The following DIAPH2 variants were observed in gnomAD, a reference collection of about 807,000 sequenced individuals.
DIAPH2 encodes the protein diaphanous related formin 2.
DIAPH2 carries 35 observed loss-of-function variants against 92.7 expected under a neutral mutation model. The observed-to-expected ratio is 0.38, with a 90% CI of 0.29 to 0.50. DIAPH2 has a LOEUF of 0.50. DIAPH2 is among the 20% of genes least tolerant of loss of function. DIAPH2 has a pLI of 0.94. For missense variants in DIAPH2, 701 were observed against 819.5 expected, an observed-to-expected ratio of 0.86 and a Z score of 1.77; for synonymous variants, 301 against 280.4, an observed-to-expected ratio of 1.07 and a Z score of -0.73.
At chrX:96,802,608 G>A (rs1030699557) in intron 4 of DIAPH2, among the ~76,000 whole-genome samples, 3 of 111,409 alleles carry the variant, frequency 2.7e-5, no homozygotes, top group Non-Finnish European at 5.7e-5. Context: ...TCATGATAGG[G>A]TATATATATA....
intron 24 of DIAPH2, among the ~76,000 whole-genome samples, chrX:97,369,631 C>T (rs1239862131): frequency 9.1e-6 from 1 of 110,182 alleles, no homozygotes; most frequent in Non-Finnish European, 1.9e-5. Context: ...CCTGAGTTTT[C>T]AGACAACATC....
chrX:97,318,347 C>T (rs979878155), intron 23 of DIAPH2, among the ~76,000 whole-genome samples: 6 of 109,410 alleles, frequency 5.5e-5, no homozygotes, highest in Admixed American at 9.9e-5. Context: ...CTATCTTGGC[C>T]AGGCTGGTCT....
chrX:96,782,787 C>T (rs1013800168), intron 4 of DIAPH2, among the ~76,000 whole-genome samples: 3 of 110,682 alleles, frequency 2.7e-5, no homozygotes, highest in Non-Finnish European at 1.9e-5. Context: ...CAGAACGTGC[C>T]GGCTACTTTT....
At chrX:96,837,470 A>G (rs1454395809) in intron 4 of DIAPH2, among the ~76,000 whole-genome samples, 3 of 84,812 alleles carry the variant, frequency 3.5e-5, no homozygotes, top group Non-Finnish European at 4.5e-5. Flanking sequence ...TGTGTGTAGT[A>G]CTAGTAGTAG....
chrX:96,997,468 C>A (rs1309974100), intron 17 of DIAPH2, among the ~76,000 whole-genome samples: 1 of 111,180 alleles, frequency 9.0e-6, no homozygotes, highest in Non-Finnish European at 1.9e-5. Flanking sequence ...GACCTTTTAA[C>A]TTAGGTTTTT....
At chrX:97,200,792 G>A (rs1056488061) in intron 22 of DIAPH2, among the ~76,000 whole-genome samples, 18 of 111,727 alleles carry the variant, frequency 1.6e-4, no homozygotes, top group African/African-American at 5.5e-4. Flanking sequence ...TGATAAGGGG[G>A]ATTCTTCCAG....
chrX:97,407,789 A>G (rs1009321030), intron 25 of DIAPH2, among the ~76,000 whole-genome samples: 5 of 112,274 alleles, frequency 4.5e-5, no homozygotes, highest in Non-Finnish European at 9.4e-5. Flanking sequence ...AGATGGCAAC[A>G]TAGTAACTTC....
chrX:96,906,595 G>T (rs2147775575), intron 5 of DIAPH2, among the ~76,000 whole-genome samples: 1 of 111,682 alleles, frequency 9.0e-6, no homozygotes, highest in South Asian at 3.8e-4. Flanking sequence ...AACAAGCTTA[G>T]AAAATTTACG....
chrX:96,780,363 A>G (rs939691996), intron 4 of DIAPH2, among the ~76,000 whole-genome samples: 6 of 112,557 alleles, frequency 5.3e-5, no homozygotes, highest in South Asian at 3.7e-4. Flanking sequence ...GTCCATTTCA[A>G]TATGTAAATT....
intron 1 of DIAPH2, among the ~76,000 whole-genome samples, chrX:96,702,680 A>G (rs371163884): frequency 8.9e-6 from 1 of 112,206 alleles, no homozygotes; most frequent in East Asian, 2.8e-4. Flanking sequence ...CTGCTATAGC[A>G]AATTCCCATA....
intron 5 of DIAPH2, among the ~76,000 whole-genome samples, chrX:96,888,053 T>C (rs2065276211): frequency 9.2e-6 from 1 of 108,738 alleles, no homozygotes; most frequent in Admixed American, 9.9e-5. Flanking sequence ...CAGACCTCTC[T>C]GTTTCTCTCT....
chrX:97,320,140 G>C (rs1464267689), intron 23 of DIAPH2, among the ~76,000 whole-genome samples: 1 of 106,199 alleles, frequency 9.4e-6, no homozygotes, highest in Non-Finnish European at 1.9e-5. Context: ...AATAAAAATT[G>C]ATAATATTAA....
rs1364628269 is a variant in DIAPH2, at chrX:96,962,368, C to CAT, written c.1936-2715_1936-2714dup. 1.9e-3 allele frequency among the ~76,000 whole-genome samples: 93 copies of CAT among 48,001 alleles called. 2 individuals are homozygous for CAT. Among genetic ancestry groups the CAT allele is most frequent in the Non-Finnish European group, 3.4e-3 (90 of 26,812 alleles). 41.7% of individuals were successfully genotyped at this position (48,001 alleles called of 115,157 possible). A position where few individuals can be genotyped will look rare whatever the true frequency, so the allele number is the denominator to read the frequency against. Reference sequence around the variant, plus strand: ...ATATATATACACATATATATATACACATATATATATACACATATATATACA... The same window carrying CAT: ...ATATATATACACATATATATATACACATATATATATATACACATATATATACA... On this transcript the variant is annotated intron_variant, in intron 16 of 26. Transcript: ENST00000324765.
In DIAPH2 at chrX:96,785,669, G is replaced by A. The variant is rs1372560030; in HGVS notation, c.447+27411G>A. Among the ~76,000 whole-genome samples the A allele has an allele frequency of 7.4e-5, 8 of 107,765 alleles. No homozygotes were observed. In the Admixed American group the frequency reaches 8.0e-4, roughly 11 times the overall value. 93.6% of individuals were successfully genotyped at this position (107,765 alleles called of 115,157 possible). ...TTTTTGTATTTTTAGTAGAGATGGGGTTTCATCATGTTGCCCAGGCTGGTC... is the reference window on the plus strand; with the variant it reads ...TTTTTGTATTTTTAGTAGAGATGGGATTTCATCATGTTGCCCAGGCTGGTC... On this transcript the variant is annotated intron_variant, in intron 4 of 26. Transcript: ENST00000324765.
chrX:97,573,553 G>C (rs1467669364), intron 26 of DIAPH2, among the ~76,000 whole-genome samples: 1 of 110,696 alleles, frequency 9.0e-6, no homozygotes, highest in Non-Finnish European at 1.9e-5. Context: ...GGGGGAGTTT[G>C]GTTAATCTAT....
chrX:96,746,600 C>T (rs2064151891), intron 3 of DIAPH2, among the ~76,000 whole-genome samples: 1 of 110,134 alleles, frequency 9.1e-6, no homozygotes, highest in Non-Finnish European at 1.9e-5. Context: ...GTCCATTAGG[C>T]TGTAGTGCAG....
intron 24 of DIAPH2, among the ~76,000 whole-genome samples, chrX:97,358,720 C>T (rs2069292939): frequency 9.1e-6 from 1 of 110,243 alleles, no homozygotes; most frequent in Non-Finnish European, 1.9e-5. Flanking sequence ...ACCAATCATG[C>T]ATGTAAATTG....
chrX:96,903,650 G>A (rs766266573), intron 5 of DIAPH2, among the ~76,000 whole-genome samples: 2 of 111,716 alleles, frequency 1.8e-5, no homozygotes, highest in Middle Eastern at 4.7e-3. Context: ...CTTATTGACC[G>A]TAGATTGAAG....
intron 26 of DIAPH2, among the ~76,000 whole-genome samples, chrX:97,509,431 G>A (rs1291899178): frequency 2.5e-5 from 1 of 40,744 alleles, no homozygotes; most frequent in Non-Finnish European, 4.8e-5. Context: ...GAAAACCTGT[G>A]TGTTCTTTTT....
Sources: allele counts gnomAD v4.1 joint callset (sites outside exome capture counted in the v4.1 genomes callset), GRCh38; gene constraint gnomAD v4.1.1; transcripts MANE v1.5; gene names NCBI Gene and HGNC (gene_info 2026-07-23, HGNC 2026-07-21).